AATF: variants seen among roughly 807,000 people sequenced by gnomAD.
The protein encoded by AATF is apoptosis antagonizing transcription factor.
Under a neutral mutation model 63.7 loss-of-function variants are expected in AATF, and 48 were observed. That is an observed-to-expected ratio of 0.75 (90% CI 0.60 to 0.96). The LOEUF is 0.96. AATF is among the 40% of genes least tolerant of loss of function. AATF has a pLI of 0.00. For missense variants in AATF, 639 were observed against 685.7 expected (o/e 0.93, Z 0.76); for synonymous variants, 258 against 247.7 (o/e 1.04, Z -0.39).
At position 36,986,815 on chromosome 17, in the gene AATF, C is replaced by G. The variant is rs2071172529; in HGVS notation, c.947+84C>G. On this transcript the variant is annotated intron_variant, in intron 5 of 11. Transcript: ENST00000619387. ...ATTTATGAAAGAAAAGCTAAGTTCTCTTCAGGCAGATATTAATGTTAGTAA... is the reference window on the plus strand; with the variant it reads ...ATTTATGAAAGAAAAGCTAAGTTCTGTTCAGGCAGATATTAATGTTAGTAA... The G allele has an allele frequency of 2.6e-6, 3 of 1,144,606 alleles. No homozygotes were observed. The African/African-American group carries it at 4.6e-5, about 18-fold the overall frequency. 70.9% of individuals were successfully genotyped at this position (1,144,606 alleles called of 1,614,324 possible).
chr17:36,998,208 C>T (rs117338024), intron 8 of AATF, among the ~76,000 whole-genome samples: 1,796 of 151,284 alleles, frequency 0.012, 13 homozygotes, highest in Non-Finnish European at 0.018. Flanking sequence ...CCACCTGTAA[C>T]CCAGTAACTT....
chr17:36,960,545 C>T (rs2070938882), intron 4 of AATF, among the ~76,000 whole-genome samples: 1 of 152,218 alleles, frequency 6.6e-6, no homozygotes, highest in South Asian at 2.1e-4. Context: ...CCCTGTCCCA[C>T]AGGCAACCAA....
intron 4 of AATF, among the ~76,000 whole-genome samples, chr17:36,972,774 T>C (rs2071049424): frequency 1.3e-5 from 2 of 152,184 alleles, no homozygotes; most frequent in Admixed American, 6.5e-5. Flanking sequence ...TTTCTTGTTT[T>C]TTAATTCATT....
intron 9 of AATF, among the ~76,000 whole-genome samples, 171 bp from the exon 10 acceptor site, chr17:37,020,763 T>C (rs183585257): frequency 3.4e-4 from 52 of 152,060 alleles, no homozygotes; most frequent in Admixed American, 1.0e-3. Flanking sequence ...TTTTTTACCA[T>C]TGCACAAATC....
In AATF at chr17:36,953,752, CTCTTT is replaced by C. The variant is rs757697258; in HGVS notation, c.695-13_695-9del. ...TATTTTATTATTGAGGAATGGGATT[CTCTTT>C]TCTTCTTTTCAGCACTGTGGGACCA... On this transcript the variant is annotated splice_polypyrimidine_tract_variant and intron_variant, in intron 3 of 11. Coordinates refer to ENST00000619387, the MANE Select transcript of AATF (RefSeq NM_012138.4). The C allele has an allele frequency of 1.6e-5, 25 of 1,604,434 alleles. 1 individual carries two copies. The South Asian group carries it at 2.7e-4, about 17-fold the overall frequency.
At chr17:36,955,691 T>A (rs2070894101) in intron 4 of AATF, among the ~76,000 whole-genome samples, 1 of 152,174 alleles carries the variant, frequency 6.6e-6, no homozygotes, top group Admixed American at 6.5e-5. Flanking sequence ...TTTAAAAAAT[T>A]CATATTTAAA....
chr17:37,056,395 C>G, intron 11 of AATF: 1 of 574,098 alleles, frequency 1.7e-6, no homozygotes, highest in Non-Finnish European at 3.1e-6. Flanking sequence ...TGTCCAGCCG[C>G]ACTGGACCAT....
At chr17:36,978,501 C>G (rs1240469364) in intron 4 of AATF, among the ~76,000 whole-genome samples, 1 of 151,984 alleles carries the variant, frequency 6.6e-6, no homozygotes, top group Admixed American at 6.6e-5. Context: ...CTACATTCTG[C>G]TTTGAAAAGT....
intron 8 of AATF, among the ~76,000 whole-genome samples, chr17:36,993,782 AT>A (rs1164663258): frequency 6.6e-6 from 1 of 152,140 alleles, no homozygotes; most frequent in Non-Finnish European, 1.5e-5. Flanking sequence ...GCCACATTGA[AT>A]TTTAATGTTC....
rs200951733 is a variant in AATF, at chr17:36,989,429, C to G, written c.1314+18C>G. The G allele has an allele frequency of 1.3e-6, 2 of 1,590,780 alleles. No individual in the cohort carries two copies. The highest frequency in any genetic ancestry group is 1.3e-5 in the African/African-American group (1 of 74,588). Reference sequence around the variant, plus strand: ...GGGAACCGGTAAGAACTCTGTAATGCAGAGTGATTATGGGGAATAGTTTCT... The same window carrying G: ...GGGAACCGGTAAGAACTCTGTAATGGAGAGTGATTATGGGGAATAGTTTCT... On this transcript the variant is annotated intron_variant, in intron 7 of 11. Transcript: ENST00000619387.
chr17:37,006,762 T>G (rs1341727631), intron 8 of AATF, among the ~76,000 whole-genome samples: 1 of 152,274 alleles, frequency 6.6e-6, no homozygotes, highest in African/African-American at 2.4e-5. Context: ...AGTGAAATAT[T>G]ATGGCCTTTG....
At chr17:36,983,433 C>T (rs577067582) in intron 4 of AATF, among the ~76,000 whole-genome samples, 1 of 152,086 alleles carries the variant, frequency 6.6e-6, no homozygotes, top group African/African-American at 2.4e-5. Context: ...CTGCAACCTC[C>T]ACCTCACGGG....
chr17:36,991,183 A>G (rs1408655803), intron 8 of AATF, among the ~76,000 whole-genome samples: 3 of 152,018 alleles, frequency 2.0e-5, no homozygotes, highest in East Asian at 1.9e-4. Context: ...TTGTTAAGTT[A>G]TTTGGTTTCT....
intron 2 of AATF, among the ~76,000 whole-genome samples, chr17:36,951,036 C>T (rs2070850998): frequency 1.3e-5 from 2 of 152,108 alleles, no homozygotes; most frequent in Admixed American, 1.3e-4. Context: ...TTTTGCCATT[C>T]TAAAAAATCA....
intron 7 of AATF, 92 bp downstream of exon 7, chr17:36,989,503 G>A: frequency 7.9e-7 from 1 of 1,265,672 alleles, no homozygotes; most frequent in Non-Finnish European, 1.1e-6. Context: ...GTTTATATAA[G>A]AGGTTAGTGA....
chr17:37,022,431 G>C (rs954572335), intron 10 of AATF, among the ~76,000 whole-genome samples: 7 of 152,050 alleles, frequency 4.6e-5, no homozygotes, highest in Non-Finnish European at 8.8e-5. Context: ...CTTTAACTTT[G>C]CAGAAGTACA....
At chr17:37,020,825 G>A in intron 9 of AATF, 109 bp from the exon 10 acceptor site, 1 of 848,256 alleles carries the variant, frequency 1.2e-6, no homozygotes, top group Middle Eastern at 2.6e-4. Context: ...GGAACTTGAT[G>A]TAGGTTGATG....
In AATF at chr17:36,990,770, A is replaced by G. The variant is rs375965289; in HGVS notation, c.1315-4A>G. 1.1e-5 allele frequency: 18 copies of G among 1,581,368 alleles called. No homozygotes were observed. Among genetic ancestry groups the G allele is most frequent in the African/African-American group, 1.1e-4 (8 of 73,062 alleles). ...CACTCTTTTCTTACTCATTGTTAACATAGGAGATCCTTCCTCAAGCCCCTG... is the reference window on the plus strand; with the variant it reads ...CACTCTTTTCTTACTCATTGTTAACGTAGGAGATCCTTCCTCAAGCCCCTG... On this transcript the variant is annotated splice_region_variant and splice_polypyrimidine_tract_variant and intron_variant, in intron 7 of 11. Transcript: ENST00000619387.
Position 37,013,517 on chromosome 17 carries a change from C to G in AATF, c.1399-5488C>G, listed in dbSNP as rs34607812. ...GAGGGGAGCTGGCATGTGCAGAGAT[C>G]ACGTGGCAAGAGAGGAGGCTAGAGG... On this transcript the variant is annotated intron_variant, in intron 8 of 11. Coordinates refer to ENST00000619387, the MANE Select transcript of AATF (RefSeq NM_012138.4). Among the ~76,000 whole-genome samples, 882 of 152,258 alleles carry G rather than the reference C, an allele frequency of 5.8e-3. 9 individuals carry two copies. Among genetic ancestry groups the G allele is most frequent in the African/African-American group, 0.02 (813 of 41,550 alleles).
Sources: gnomAD v4.1 joint callset for allele counts (sites outside exome capture counted in the v4.1 genomes callset) on GRCh38, gnomAD v4.1.1 for gene constraint, MANE v1.5 for transcripts, NCBI Gene and HGNC (gene_info 2026-07-23, HGNC 2026-07-21) for gene names.